GALNT14: variants seen among roughly 807,000 people sequenced by gnomAD.
GALNT14 encodes polypeptide N-acetylgalactosaminyltransferase 14, also known as UDP-GalNAc:polypeptide N-acetylgalactosaminyltransferase 14.
A neutral mutation model predicts 77.5 loss-of-function variants in GALNT14; 60 were observed. That is an observed-to-expected ratio of 0.77 (90% CI 0.63 to 0.96). The LOEUF is 0.96. Among genes scored for constraint, GALNT14 ranks in the 40% least tolerant of loss-of-function variants. The pLI is 0.00. For synonymous variants in GALNT14, 280 were observed against 281.7 expected, an observed-to-expected ratio of 0.99 and a Z score of 0.06; for missense variants, 710 against 731.0, an observed-to-expected ratio of 0.97 and a Z score of 0.33.
intron 1 of GALNT14, among the ~76,000 whole-genome samples, chr2:31,038,705 T>C (rs1285193299): frequency 6.6e-6 from 1 of 151,998 alleles, no homozygotes; most frequent in African/African-American, 2.4e-5. Flanking sequence ...ATAGGGCAAG[T>C]TAAAATCCCA....
chr2:30,939,775 C>T (rs1390325111), intron 9 of GALNT14, among the ~76,000 whole-genome samples: 1 of 152,094 alleles, frequency 6.6e-6, no homozygotes, highest in Non-Finnish European at 1.5e-5. Flanking sequence ...TCCTGCCACA[C>T]TCTGGAGCCA....
chr2:30,890,628 A>G, the GALNT14 span, among the ~76,000 whole-genome samples: 1 of 152,182 alleles, frequency 6.6e-6, no homozygotes, highest in Non-Finnish European at 1.5e-5. Flanking sequence ...TTCCCCTTCT[A>G]TGAATATACA....
At chr2:30,985,825 C>T (rs568702452) in intron 2 of GALNT14, among the ~76,000 whole-genome samples, 1 of 152,316 alleles carries the variant, frequency 6.6e-6, no homozygotes, top group Non-Finnish European at 1.5e-5. Context: ...CCCCTCCCCT[C>T]CCCTCAGCCT....
chr2:31,007,693 T>A (rs1192894156), intron 1 of GALNT14, among the ~76,000 whole-genome samples: 1 of 152,192 alleles, frequency 6.6e-6, no homozygotes, highest in Non-Finnish European at 1.5e-5. Flanking sequence ...AACAGATTAA[T>A]CATTTCACCA....
At chr2:30,892,975 T>G in the GALNT14 span, among the ~76,000 whole-genome samples, 2 of 152,210 alleles carry the variant, frequency 1.3e-5, no homozygotes, top group African/African-American at 4.8e-5. Context: ...AATAAGGACA[T>G]TTTTCAAATT....
rs967941887 is a variant in GALNT14, at chr2:31,077,308, T to A, written c.129+60650A>T. 1.1e-4 allele frequency among the ~76,000 whole-genome samples: 16 copies of A among 152,328 alleles called. 1 individual carries two copies. The highest frequency in any genetic ancestry group is 3.4e-3 in the Middle Eastern group (1 of 294). On this transcript the variant is annotated intron_variant, in intron 1 of 14. Coordinates refer to ENST00000349752, the MANE Select transcript of GALNT14 (RefSeq NM_024572.4). Reference sequence around the variant, plus strand: ...GCTACAAATCTTCCCATTATTTCTTTTTACCTACATTCCTCAAGGAACTTA... The same window carrying A: ...GCTACAAATCTTCCCATTATTTCTTATTACCTACATTCCTCAAGGAACTTA...
intron 1 of GALNT14, among the ~76,000 whole-genome samples, chr2:31,132,271 G>C (rs1245409486): frequency 6.6e-6 from 1 of 152,216 alleles, no homozygotes; most frequent in Non-Finnish European, 1.5e-5. Flanking sequence ...ATACCCATGG[G>C]ATAGAGGCTC....
Position 31,062,174 on chromosome 2 carries a change from G to A in GALNT14, c.130-69167C>T, listed in dbSNP as rs188615350. 3.1e-3 allele frequency among the ~76,000 whole-genome samples: 472 copies of A among 152,052 alleles called. 1 individual carries two copies. The highest frequency in any genetic ancestry group is 5.3e-3 in the African/African-American group (218 of 41,484). On this transcript the variant is annotated intron_variant, in intron 1 of 14. Coordinates refer to ENST00000349752, the MANE Select transcript of GALNT14 (RefSeq NM_024572.4). ...ACCCATCATCTAAGTTTTAAGCACC[G>A]CATGCATTAGGTATTTGTCCTAATG...
chr2:31,129,701 C>T (rs1357560431), intron 1 of GALNT14: 1 of 977,820 alleles, frequency 1.0e-6, no homozygotes, highest in Non-Finnish European at 1.2e-6. Context: ...ATTGATTGGA[C>T]CAGTCTCTAT....
At chr2:30,995,130 T>TTGTG (rs3058232) in intron 1 of GALNT14, among the ~76,000 whole-genome samples, 3,275 of 144,028 alleles carry the variant, frequency 0.023, 57 homozygotes, top group Admixed American at 0.045. Flanking sequence ...AGAACCAATG[T>TTGTG]TGTGTGTGTG....
chr2:30,894,308 G>A, the GALNT14 span, among the ~76,000 whole-genome samples: 2 of 152,164 alleles, frequency 1.3e-5, no homozygotes, highest in Non-Finnish European at 2.9e-5. Flanking sequence ...TTGGATTTGA[G>A]TAAATTAATA....
At chr2:30,999,795 A>G (rs1426870480) in intron 1 of GALNT14, among the ~76,000 whole-genome samples, 2 of 152,206 alleles carry the variant, frequency 1.3e-5, no homozygotes, top group Non-Finnish European at 2.9e-5. Flanking sequence ...TCATATTTCC[A>G]TGGAAGAGTT....
intron 1 of GALNT14, among the ~76,000 whole-genome samples, chr2:31,077,533 T>C (rs1282280333): frequency 2.6e-5 from 4 of 152,194 alleles, no homozygotes; most frequent in Non-Finnish European, 5.9e-5. Flanking sequence ...CCTCCAAAGA[T>C]ACTAGTCTCA....
chr2:31,038,084 A>ATTTTTTTTTTTTTTTTTTT, intron 1 of GALNT14, among the ~76,000 whole-genome samples: 1 of 52,650 alleles, frequency 1.9e-5, no homozygotes, highest in Non-Finnish European at 3.2e-5. Context: ...ATATATATAT[A>ATTTTTTTTTTTTTTTTTTT]TTTTTTTTTT....
intron 1 of GALNT14, among the ~76,000 whole-genome samples, chr2:31,061,152 G>C (rs762294451): frequency 6.6e-6 from 1 of 151,982 alleles, no homozygotes. Context: ...ATCCCATTTG[G>C]ATGACCTATA....
At chr2:30,964,181 G>A (rs1667857677) in intron 3 of GALNT14, among the ~76,000 whole-genome samples, 1 of 152,192 alleles carries the variant, frequency 6.6e-6, no homozygotes, top group Non-Finnish European at 1.5e-5. Context: ...AGGTGCTAAC[G>A]CTGTTCTCAT....
intron 1 of GALNT14, among the ~76,000 whole-genome samples, chr2:31,074,897 C>G (rs907837651): frequency 2.0e-5 from 3 of 152,118 alleles, no homozygotes; most frequent in Non-Finnish European, 2.9e-5. Flanking sequence ...GTCCTCAACC[C>G]ATGGCAACAG....
intron 6 of GALNT14, among the ~76,000 whole-genome samples, chr2:30,951,030 A>G (rs757657370): frequency 2.0e-5 from 3 of 152,188 alleles, no homozygotes; most frequent in Non-Finnish European, 4.4e-5. Flanking sequence ...TTAAGCATCA[A>G]TTTACCATAT....
intron 1 of GALNT14, among the ~76,000 whole-genome samples, chr2:31,033,654 T>G (rs1862965): frequency 0.47 from 71,534 of 151,794 alleles, 17,422 homozygotes; most frequent in African/African-American, 0.6. Context: ...GCTCCTTCCC[T>G]CCCTGGCCTG....
Sources: gnomAD v4.1 joint callset for allele counts (sites outside exome capture counted in the v4.1 genomes callset) on GRCh38, gnomAD v4.1.1 for gene constraint, MANE v1.5 for transcripts, NCBI Gene and HGNC (gene_info 2026-07-23, HGNC 2026-07-21) for gene names.